CDC5L: variants seen among roughly 807,000 people sequenced by gnomAD.
The protein encoded by CDC5L is cell division cycle 5-like protein.
In CDC5L, 18 loss-of-function variants were observed where a neutral mutation model predicts 104.1. That is an observed-to-expected ratio of 0.17 (90% CI 0.12 to 0.26). CDC5L has a LOEUF of 0.26. Among genes scored for constraint, CDC5L ranks in the 10% least tolerant of loss-of-function variants. CDC5L has a pLI of 1.00. For missense variants in CDC5L, 673 were observed against 956.9 expected (o/e 0.70, Z 3.91); for synonymous variants, 331 against 322.7 (o/e 1.03, Z -0.28).
chr6:44,424,736 T>C (rs1413436108), intron 11 of CDC5L, among the ~76,000 whole-genome samples, 153 bp downstream of exon 11: 1 of 152,246 alleles, frequency 6.6e-6, no homozygotes, highest in Non-Finnish European at 1.5e-5. Flanking sequence ...TCATTAATAA[T>C]GTATCCTCAC....
In CDC5L at chr6:44,387,873, G is replaced by C. The variant is rs1256081330; in HGVS notation, c.45+5G>C. ...GGCGTATGGAGGAATACCGAGGTAA[G>C]TCTCCTTTTCCCGCCGTCCGCTGCC... On this transcript the variant is annotated splice_donor_5th_base_variant and intron_variant, in intron 1 of 15. Transcript: ENST00000371477. 1 of 1,559,034 alleles carries C rather than the reference G, an allele frequency of 6.4e-7. No individual in the cohort carries two copies. The highest frequency in any genetic ancestry group is 8.7e-7 in the Non-Finnish European group (1 of 1,150,666).
chr6:44,443,593 C>T (rs1460625409), intron 14 of CDC5L, among the ~76,000 whole-genome samples: 1 of 150,152 alleles, frequency 6.7e-6, no homozygotes, highest in Non-Finnish European at 1.5e-5. Context: ...GTTTACTGAT[C>T]CTTTCATCTG....
chr6:44,436,720 C>T (rs1792955915), intron 14 of CDC5L, among the ~76,000 whole-genome samples: 1 of 152,274 alleles, frequency 6.6e-6, no homozygotes, highest in Non-Finnish European at 1.5e-5. Flanking sequence ...TGTTATCCCC[C>T]CTTCCACTAT....
chr6:44,428,334 A>G (rs184491799), intron 13 of CDC5L, among the ~76,000 whole-genome samples: 6 of 151,866 alleles, frequency 4.0e-5, no homozygotes, highest in African/African-American at 1.2e-4. Flanking sequence ...TTGTTTATCA[A>G]TCATTTCTCT....
rs1792336768 is a variant in CDC5L at position 44,424,602 on chromosome 6, A to G, written c.1569+19A>G. ...AAAGCAGGTGGGTAACTGTACTGAA[A>G]GAAGCGTGAGTTTGGCTGAATGTGT... On this transcript the variant is annotated intron_variant, in intron 11 of 15. Coordinates refer to ENST00000371477, the MANE Select transcript of CDC5L (RefSeq NM_001253.4). 3 of 1,612,628 alleles carry G rather than the reference A, an allele frequency of 1.9e-6. No homozygotes were observed.
At chr6:44,431,340 G>A (rs1792673966) in intron 14 of CDC5L, among the ~76,000 whole-genome samples, 3 of 152,156 alleles carry the variant, frequency 2.0e-5, no homozygotes, top group African/African-American at 7.2e-5. Flanking sequence ...TTGTGGTTCA[G>A]TGTTAAAGCC....
In CDC5L at chr6:44,390,132, G is replaced by A. The variant is rs1214941109; in HGVS notation, c.46-136G>A. 7.6e-5 allele frequency: 45 copies of A among 594,238 alleles called. No homozygotes were observed. The East Asian group carries it at 1.3e-3, about 17-fold the overall frequency. 36.8% of individuals were successfully genotyped at this position (594,238 alleles called of 1,614,324 possible). ...ATAGTTAATGAGGTTTTCATCCTTA[G>A]TCTTTTAACCTAGGTGGTGTGTATG... On this transcript the variant is annotated intron_variant, in intron 1 of 15. Coordinates refer to ENST00000371477, the MANE Select transcript of CDC5L (RefSeq NM_001253.4).
intron 1 of CDC5L, among the ~76,000 whole-genome samples, chr6:44,389,187 T>G (rs1332498644): frequency 2.0e-5 from 3 of 152,112 alleles, no homozygotes; most frequent in African/African-American, 7.2e-5. Flanking sequence ...GAAAATGTGT[T>G]TAAGTGTAGT....
At chr6:44,433,464 G>A (rs1360471080) in intron 14 of CDC5L, among the ~76,000 whole-genome samples, 3 of 152,178 alleles carry the variant, frequency 2.0e-5, no homozygotes, top group Non-Finnish European at 4.4e-5. Context: ...AAAGTGAAAT[G>A]AGAAGTCTGA....
At chr6:44,420,360 T>A (rs1049245750) in intron 9 of CDC5L, among the ~76,000 whole-genome samples, 14 of 139,260 alleles carry the variant, frequency 1.0e-4, no homozygotes, top group African/African-American at 1.6e-4. Context: ...AAATCCAAAC[T>A]TTTTTTTTTT....
chr6:44,422,632 T>G lies in CDC5L; in HGVS notation c.1242-15T>G. 2.6e-6 allele frequency: 4 copies of G among 1,524,354 alleles called. No individual in the cohort carries two copies. Among genetic ancestry groups the G allele is most frequent in the Non-Finnish European group, 3.5e-6 (4 of 1,134,796 alleles). The allele number at this position is 1,524,354 out of a possible 1,614,324, so 94.4% of individuals were successfully genotyped here. On this transcript the variant is annotated splice_polypyrimidine_tract_variant and intron_variant, in intron 9 of 15. Coordinates refer to ENST00000371477, the MANE Select transcript of CDC5L (RefSeq NM_001253.4). ...TAAGTGGCACTTCTGTTAATTGGGA[T>G]TCCTGTCTTTCTAGGACTCCTTCTA...
intron 4 of CDC5L, among the ~76,000 whole-genome samples, chr6:44,393,796 T>A (rs1391754801): frequency 6.6e-6 from 1 of 152,092 alleles, no homozygotes; most frequent in African/African-American, 2.4e-5. Context: ...TCCTGAGTAG[T>A]TGGGACTACA....
chr6:44,419,422 T>C (rs1408729496), intron 8 of CDC5L, 27 bp from the exon 9 acceptor site: 8 of 1,611,810 alleles, frequency 5.0e-6, no homozygotes, highest in Non-Finnish European at 6.8e-6. Flanking sequence ...ACTTTTAAAC[T>C]TGCTTCTTTG....
At chr6:44,388,144 A>ACCCCCCCCCCCCCCCCCC (rs1790424578) in intron 1 of CDC5L, among the ~76,000 whole-genome samples, 1 of 44,794 alleles carries the variant, frequency 2.2e-5, no homozygotes, top group African/African-American at 9.6e-5. Flanking sequence ...GCCCCCTCCC[A>ACCCCCCCCCCCCCCCCCC]CCCCGCCCCC....
At chr6:44,414,096 T>C (rs1791790638) in intron 8 of CDC5L, among the ~76,000 whole-genome samples, 1 of 152,172 alleles carries the variant, frequency 6.6e-6, no homozygotes, top group Non-Finnish European at 1.5e-5. Context: ...GTTGTTGTTA[T>C]TGAGACAGGG....
At chr6:44,401,322 G>A (rs897222870) in intron 5 of CDC5L, among the ~76,000 whole-genome samples, 3 of 122,350 alleles carry the variant, frequency 2.5e-5, no homozygotes, top group African/African-American at 9.2e-5. Flanking sequence ...CCGTCCGCCC[G>A]CAGCGTGGAG....
At chr6:44,430,900 T>C (rs565244968) in intron 14 of CDC5L, among the ~76,000 whole-genome samples, 3 of 152,240 alleles carry the variant, frequency 2.0e-5, no homozygotes, top group East Asian at 3.9e-4. Context: ...TGGTAATCTT[T>C]AGGGGCATTT....
chr6:44,436,030 G>A (rs1792921107), intron 14 of CDC5L, among the ~76,000 whole-genome samples: 1 of 152,046 alleles, frequency 6.6e-6, no homozygotes, highest in Non-Finnish European at 1.5e-5. Context: ...CACCCACCTT[G>A]GCCTCCCAAA....
chr6:44,439,785 C>T (rs1388334903), intron 14 of CDC5L, among the ~76,000 whole-genome samples: 2 of 152,172 alleles, frequency 1.3e-5, no homozygotes, highest in African/African-American at 4.8e-5. Flanking sequence ...CTTTTTATGT[C>T]TATGATCTTA....
Sources: gnomAD v4.1 joint callset for allele counts (sites outside exome capture counted in the v4.1 genomes callset) on GRCh38, gnomAD v4.1.1 for gene constraint, MANE v1.5 for transcripts, NCBI Gene and HGNC (gene_info 2026-07-23, HGNC 2026-07-21) for gene names.